The following FAM135B variants were observed in gnomAD, a reference collection of about 807,000 sequenced individuals.
FAM135B encodes family with sequence similarity 135 member B.
FAM135B carries 43 observed loss-of-function variants against 127.7 expected under a neutral mutation model. That is an observed-to-expected ratio of 0.34 (90% CI 0.26 to 0.43). FAM135B has a LOEUF of 0.43. Ranked by LOEUF, FAM135B falls within the 20% of genes least tolerant of loss-of-function variation. The pLI is 1.00. For synonymous variants in FAM135B, 670 were observed against 665.1 expected, an observed-to-expected ratio of 1.01 and a Z score of -0.11; for missense variants, 1,558 against 1,725.6, an observed-to-expected ratio of 0.90 and a Z score of 1.72.
At chr8:138,150,689 T>C (rs1818063704) in intron 13 of FAM135B, among the ~76,000 whole-genome samples, 2 of 151,662 alleles carry the variant, frequency 1.3e-5, no homozygotes. Flanking sequence ...AATAAATAAA[T>C]AAATAAATAA....
At chr8:138,377,987 G>A (rs982202078) in intron 1 of FAM135B, among the ~76,000 whole-genome samples, 3 of 152,186 alleles carry the variant, frequency 2.0e-5, no homozygotes, top group African/African-American at 7.2e-5. Context: ...TAAGAAGGGA[G>A]GATCCCCTAA....
At chr8:138,322,628 G>T (rs1827525916) in intron 2 of FAM135B, among the ~76,000 whole-genome samples, 1 of 152,208 alleles carries the variant, frequency 6.6e-6, no homozygotes, top group Admixed American at 6.5e-5. Flanking sequence ...AATTGCACGA[G>T]GATTTATAAA....
At chr8:138,195,488 C>G (rs4543591) in intron 8 of FAM135B, among the ~76,000 whole-genome samples, 181 bp from the exon 9 acceptor site, 1 of 142,010 alleles carries the variant, frequency 7.0e-6, no homozygotes, top group Non-Finnish European at 1.5e-5. Context: ...GAGAATGAAC[C>G]TGATTGGAGC....
intron 11 of FAM135B, among the ~76,000 whole-genome samples, chr8:138,171,336 A>G (rs557986723): frequency 5.8e-4 from 89 of 152,190 alleles, no homozygotes; most frequent in Non-Finnish European, 2.9e-4. Flanking sequence ...CATGGCAAAG[A>G]TCACAGTTAG....
At position 138,153,082 on chromosome 8, in the gene FAM135B, T is replaced by C. The variant is rs1818335658; in HGVS notation, c.1393A>G (p.Ile465Val). The change falls in exon 13 of 20, where the codon ATA becomes GTA. Residue 465 changes from isoleucine to valine, a missense_variant. Physicochemically the swap from Ile to Val is conservative, Grantham distance 29. This residue lies in a region of FAM135B where 923 missense variants were observed against 865.3 expected (regional missense o/e 1.07). Transcript: ENST00000395297. The part of the protein sequence containing the change: ...SFREDLVLST[I>V]KPSQMDSDEE... ...TCAGAATCCATTTGGGATGGTTTTATGGTAGACAAGACAAGGTCTTCCCTA... is the reference window on the plus strand; with the variant it reads ...TCAGAATCCATTTGGGATGGTTTTACGGTAGACAAGACAAGGTCTTCCCTA... 1.2e-6 allele frequency: 2 copies of C among 1,614,224 alleles called. No homozygotes were observed. Among genetic ancestry groups the C allele is most frequent in the Non-Finnish European group, 1.7e-6 (2 of 1,180,034 alleles).
At chr8:138,239,403 G>T (rs1222521879) in intron 7 of FAM135B, among the ~76,000 whole-genome samples, 1 of 152,050 alleles carries the variant, frequency 6.6e-6, no homozygotes, top group East Asian at 1.9e-4. Context: ...TTGTTGATGG[G>T]GTTGTTTTTT....
intron 1 of FAM135B, among the ~76,000 whole-genome samples, chr8:138,405,804 G>A (rs1833448591): frequency 6.6e-6 from 1 of 151,798 alleles, no homozygotes; most frequent in Non-Finnish European, 1.5e-5. Flanking sequence ...CTTCCACAAT[G>A]GTTGAACTAG....
At chr8:138,157,152 C>T (rs1818841774) in intron 12 of FAM135B, among the ~76,000 whole-genome samples, 1 of 152,202 alleles carries the variant, frequency 6.6e-6, no homozygotes, top group Non-Finnish European at 1.5e-5. Flanking sequence ...ATATGCAAAT[C>T]AATAAACGTA....
At chr8:138,438,050 A>C (rs950843190) in intron 1 of FAM135B, 3 of 152,190 alleles carry the variant, frequency 2.0e-5, no homozygotes, top group Non-Finnish European at 4.4e-5. Flanking sequence ...AAAACACCCG[A>C]GAGTACAAAA....
At chr8:138,136,658 G>T (rs945203581) in intron 19 of FAM135B, among the ~76,000 whole-genome samples, 1 of 152,096 alleles carries the variant, frequency 6.6e-6, no homozygotes, top group Non-Finnish European at 1.5e-5. Flanking sequence ...CATCTTGATT[G>T]TCTGGAAAAT....
chr8:138,375,409 G>T (rs1217241714), intron 1 of FAM135B, among the ~76,000 whole-genome samples: 1 of 152,108 alleles, frequency 6.6e-6, no homozygotes, highest in Admixed American at 6.6e-5. Flanking sequence ...GTATATGTGT[G>T]TATGTAGGTC....
chr8:138,283,579 C>A lies in FAM135B; in HGVS notation c.158-17737G>T, dbSNP rs192159511. The stretch of plus-strand genomic sequence containing the variant: ...GTGCAAACCCACAGAATGTACAACA[C>A]CAAGAATGAACCCTAATATAAACTT... On this transcript the variant is annotated intron_variant, in intron 3 of 19. Coordinates refer to ENST00000395297, the MANE Select transcript of FAM135B (RefSeq NM_015912.4). 5.3e-5 allele frequency among the ~76,000 whole-genome samples: 8 copies of A among 152,142 alleles called. No individual in the cohort carries two copies. The East Asian group carries it at 1.2e-3, about 22-fold the overall frequency.
chr8:138,473,999 A>C (rs1814238271), intron 1 of FAM135B, among the ~76,000 whole-genome samples: 1 of 152,176 alleles, frequency 6.6e-6, no homozygotes, highest in South Asian at 2.1e-4. Context: ...CACCACATAA[A>C]GATCAGCATT....
At chr8:138,149,146 A>G (rs1040892662) in intron 13 of FAM135B, among the ~76,000 whole-genome samples, 1 of 107,938 alleles carries the variant, frequency 9.3e-6, no homozygotes, top group Middle Eastern at 5.6e-3. Context: ...AAAATAAATA[A>G]ATAAATAAAT....
rs142793624 is a variant in FAM135B, at chr8:138,168,836, T to C, written c.1104-787A>G. On this transcript the variant is annotated intron_variant, in intron 11 of 19. Transcript: ENST00000395297. The stretch of plus-strand genomic sequence containing the variant: ...CCATGCCAACTCAATCACTCTTCCC[T>C]CAAGGGAAGAAGGAGCCTTACGGAG... Among the ~76,000 whole-genome samples the C allele has an allele frequency of 5.3e-3, 812 of 152,292 alleles. 6 individuals carry two copies. Among genetic ancestry groups the C allele is most frequent in the African/African-American group, 0.018 (740 of 41,570 alleles).
intron 11 of FAM135B, among the ~76,000 whole-genome samples, chr8:138,174,299 T>C (rs535639749): frequency 2.0e-5 from 3 of 152,340 alleles, no homozygotes; most frequent in South Asian, 2.1e-4. Flanking sequence ...CATTGCCTCA[T>C]GTCCATCCTG....
intron 4 of FAM135B, among the ~76,000 whole-genome samples, chr8:138,263,133 T>C (rs1343475508): frequency 6.6e-6 from 1 of 151,760 alleles, no homozygotes; most frequent in Non-Finnish European, 1.5e-5. Flanking sequence ...TGAAGAAAAA[T>C]TAAAATTAAA....
Position 138,282,908 on chromosome 8 carries a change from T to G in FAM135B, c.158-17066A>C, listed in dbSNP as rs77435616. 2.0e-4 allele frequency among the ~76,000 whole-genome samples: 31 copies of G among 152,170 alleles called. No homozygotes were observed. The East Asian group carries it at 6.0e-3, about 29-fold the overall frequency. On this transcript the variant is annotated intron_variant, in intron 3 of 19. Coordinates refer to ENST00000395297, the MANE Select transcript of FAM135B (RefSeq NM_015912.4). ...AAGTTCATAGCAGTTTGTTTTTTGT[T>G]TGTTTGTTTTTGAGACAGAGTCTCA...
At chr8:138,330,005 C>G (rs1041507565) in intron 2 of FAM135B, among the ~76,000 whole-genome samples, 18 of 152,108 alleles carry the variant, frequency 1.2e-4, no homozygotes, top group African/African-American at 3.6e-4. Context: ...TGGCTTGCAT[C>G]TGGGCATGCT....
Sources: gnomAD v4.1 joint callset for allele counts (sites outside exome capture counted in the v4.1 genomes callset) on GRCh38, gnomAD v4.1.1 for gene constraint, gnomAD v4.1.1 regional missense constraint, MANE v1.5 for transcripts, NCBI Gene and HGNC (gene_info 2026-07-23, HGNC 2026-07-21) for gene names.